Variants in ABTB2 observed in about 807,000 individuals in gnomAD.
The protein encoded by ABTB2 is ankyrin repeat and BTB domain containing 2, also known as ankyrin repeat and BTB/POZ domain-containing protein 2.
In ABTB2, 56 loss-of-function variants were observed where a neutral mutation model predicts 104.1. The ratio of observed to expected loss-of-function variants is 0.54; its 90% CI spans 0.43 to 0.67. The LOEUF is 0.67. ABTB2 is among the 30% of genes least tolerant of loss of function. The probability of loss-of-function intolerance (pLI) is 0.00; values close to 1 mark genes in which losing one functional copy is unlikely to be tolerated. For synonymous variants in ABTB2, 606 were observed against 608.2 expected (o/e 1.00, Z 0.05); for missense variants, 1,279 against 1,407.7 (o/e 0.91, Z 1.46).
chr11:34,154,404 G>A lies in ABTB2; in HGVS notation c.2767-26C>T, dbSNP rs1590199652. The A allele has an allele frequency of 4.5e-6, 7 of 1,547,296 alleles. No individual in the cohort carries two copies. The highest frequency in any genetic ancestry group is 2.1e-4 in the Middle Eastern group (1 of 4,868). Reference sequence around the variant, plus strand: ...CTGGTAGGGAGGCAGAGCAGGTCTTGGGGACCCATGGCCAGACCAGTGGCC... The same window carrying A: ...CTGGTAGGGAGGCAGAGCAGGTCTTAGGGACCCATGGCCAGACCAGTGGCC... On this transcript the variant is annotated intron_variant, in intron 15 of 16. Transcript: ENST00000435224. This position sits in a 1 kb window ranked among gnomAD's most constrained non-coding sequence, Gnocchi z 4.9.
intron 1 of ABTB2, among the ~76,000 whole-genome samples, chr11:34,319,907 A>G (rs1854981415): frequency 2.0e-5 from 3 of 152,188 alleles, no homozygotes; most frequent in African/African-American, 4.8e-5. Flanking sequence ...ACCTTAGGTG[A>G]TCCACCCACC....
chr11:34,343,521 C>T (rs1855289607), intron 1 of ABTB2, among the ~76,000 whole-genome samples: 1 of 152,058 alleles, frequency 6.6e-6, no homozygotes, highest in Non-Finnish European at 1.5e-5. Context: ...GTTGCTCAGG[C>T]TGGAGTGTGG....
At chr11:34,181,383 G>A (rs973878007) in intron 3 of ABTB2, among the ~76,000 whole-genome samples, 15 of 152,230 alleles carry the variant, frequency 9.9e-5, no homozygotes. Context: ...AGCAGGCTCT[G>A]TTCTTCCCCG....
At chr11:34,333,915 G>A (rs150096926) in intron 1 of ABTB2, among the ~76,000 whole-genome samples, 97 of 151,832 alleles carry the variant, frequency 6.4e-4, no homozygotes, top group Admixed American at 2.2e-3. Flanking sequence ...CAGGACATGA[G>A]GATACGTTAT....
chr11:34,310,555 C>T (rs969103557), intron 1 of ABTB2, among the ~76,000 whole-genome samples: 2 of 152,138 alleles, frequency 1.3e-5, no homozygotes, highest in Non-Finnish European at 2.9e-5. Flanking sequence ...CCTTTCAGAG[C>T]ACAGTTCTGA....
intron 2 of ABTB2, among the ~76,000 whole-genome samples, chr11:34,203,005 G>C (rs1182361802): frequency 6.6e-6 from 1 of 152,166 alleles, no homozygotes; most frequent in Admixed American, 6.5e-5. Flanking sequence ...CCTTACCTAG[G>C]GGAGGCCTCT....
chr11:34,346,296 C>T (rs1855330892), intron 1 of ABTB2, among the ~76,000 whole-genome samples: 1 of 152,120 alleles, frequency 6.6e-6, no homozygotes, highest in Admixed American at 6.5e-5. Flanking sequence ...AGCTGCTCCC[C>T]TGCTATAAAT....
chr11:34,205,323 A>G (rs985977752), intron 1 of ABTB2, among the ~76,000 whole-genome samples: 1 of 152,236 alleles, frequency 6.6e-6, no homozygotes, highest in African/African-American at 2.4e-5. Flanking sequence ...GCCAAGTCCA[A>G]TTAATGTTTT....
At chr11:34,327,795 T>C (rs570121120) in intron 1 of ABTB2, among the ~76,000 whole-genome samples, 3 of 152,330 alleles carry the variant, frequency 2.0e-5, no homozygotes, top group Admixed American at 1.3e-4. Context: ...CAAATGATCC[T>C]GCCTGGGAGA....
chr11:34,234,584 C>A (rs1000240398), intron 1 of ABTB2, among the ~76,000 whole-genome samples: 4 of 152,200 alleles, frequency 2.6e-5, no homozygotes, highest in Admixed American at 2.0e-4. Flanking sequence ...ATTGTGAGAA[C>A]ACCTCGGATG....
rs775823176 is a variant in ABTB2 at position 34,161,087 on chromosome 11, C to T, written c.2219-6G>A. On this transcript the variant is annotated splice_region_variant and splice_polypyrimidine_tract_variant and intron_variant, in intron 10 of 16. Transcript: ENST00000435224. ...GTGCAGCTTCCAGGGGACTCCTGGTCCAGGCAGGGAAGGGCAGGCAGTCAC... is the reference window on the plus strand; with the variant it reads ...GTGCAGCTTCCAGGGGACTCCTGGTTCAGGCAGGGAAGGGCAGGCAGTCAC... 5 of 1,600,648 alleles carry T rather than the reference C, an allele frequency of 3.1e-6. No individual in the cohort carries two copies. Among genetic ancestry groups the T allele is most frequent in the Non-Finnish European group, 4.3e-6 (5 of 1,172,604 alleles).
intron 10 of ABTB2, among the ~76,000 whole-genome samples, chr11:34,162,274 C>T (rs966949857): frequency 6.6e-6 from 1 of 152,218 alleles, no homozygotes; most frequent in Admixed American, 6.5e-5. Flanking sequence ...CATCCCTGGG[C>T]TGTGACTGGG....
intron 1 of ABTB2, among the ~76,000 whole-genome samples, chr11:34,231,181 G>A (rs746830136): frequency 6.6e-5 from 10 of 152,182 alleles, no homozygotes; most frequent in South Asian, 4.1e-4. Context: ...GGAGCCAACC[G>A]AAAGCGCTCT....
chr11:34,301,935 C>T (rs1404187905), intron 1 of ABTB2, among the ~76,000 whole-genome samples: 1 of 152,134 alleles, frequency 6.6e-6, no homozygotes, highest in Admixed American at 6.5e-5. Flanking sequence ...GCAGTGAGGC[C>T]AAGATGGTGC....
chr11:34,356,929 T>C lies in ABTB2; in HGVS notation c.655A>G (p.Ile219Val). 6.2e-7 allele frequency: 1 copy of C among 1,601,992 alleles called. No homozygotes were observed. The highest frequency in any genetic ancestry group is 8.5e-7 in the Non-Finnish European group (1 of 1,174,608). ...GCGTACTCGTGGATGCGCACGGAGATTCGGGTGTCCACCATCCAGCGGAAA... is the reference window on the plus strand; with the variant it reads ...GCGTACTCGTGGATGCGCACGGAGACTCGGGTGTCCACCATCCAGCGGAAA... ...RFFRWMVDTR[I>V]SVRIHEYAAI... The change falls in exon 1 of 17, where the codon ATC becomes GTC. Residue 219 changes from isoleucine (I) to valine (V), a missense_variant. By Grantham distance (29) the Ile-to-Val change is conservative. Transcript: ENST00000435224. This position sits in a 1 kb window ranked among gnomAD's most constrained non-coding sequence, Gnocchi z 4.6.
At chr11:34,336,910 T>C (rs961209357) in intron 1 of ABTB2, among the ~76,000 whole-genome samples, 4 of 152,142 alleles carry the variant, frequency 2.6e-5, no homozygotes, top group Non-Finnish European at 5.9e-5. Flanking sequence ...TCATTTAATC[T>C]TGTCCACAAC....
Position 34,154,214 on chromosome 11 carries a change from T to C in ABTB2, c.2880+51A>G, listed in dbSNP as rs1192246677. On this transcript the variant is annotated intron_variant, in intron 16 of 16. Coordinates refer to ENST00000435224, the MANE Select transcript of ABTB2 (RefSeq NM_145804.3). The surrounding 1 kb of genome is among the most constrained non-coding windows in gnomAD (Gnocchi z 4.9). ...TGCAGCCACACGGCCGAGGCCCCCG[T>C]GGAGCAGAGCATGTGGTGGGAGGTG... The C allele has an allele frequency of 6.9e-7, 1 of 1,443,154 alleles. No homozygotes were observed. Among genetic ancestry groups the C allele is most frequent in the Non-Finnish European group, 9.7e-7 (1 of 1,028,812 alleles). The allele number at this position is 1,443,154 out of a possible 1,614,324, so 89.4% of individuals were successfully genotyped here. A position where few individuals can be genotyped will look rare whatever the true frequency, so the allele number is the denominator to read the frequency against.
chr11:34,334,612 G>A (rs1855170671), intron 1 of ABTB2, among the ~76,000 whole-genome samples: 1 of 152,102 alleles, frequency 6.6e-6, no homozygotes, highest in Admixed American at 6.5e-5. Flanking sequence ...CCATCTACAT[G>A]CATCTAAACC....
At chr11:34,197,276 C>A (rs765028444) in intron 3 of ABTB2, 49 bp downstream of exon 3, 1 of 1,592,040 alleles carries the variant, frequency 6.3e-7, no homozygotes, top group Non-Finnish European at 8.6e-7. Context: ...GGTCAATGCA[C>A]GTTTGGGAGC....
Sources: gnomAD v4.1 joint callset for allele counts (sites outside exome capture counted in the v4.1 genomes callset) on GRCh38, gnomAD v4.1.1 for gene constraint, Gnocchi (gnomAD v3.1) non-coding constraint, MANE v1.5 for transcripts, NCBI Gene and HGNC (gene_info 2026-07-23, HGNC 2026-07-21) for gene names.